ZNF697: variants seen among roughly 807,000 people sequenced by gnomAD.
ZNF697 encodes the protein zinc finger protein 697.
ZNF697 carries 23 observed loss-of-function variants against 32.4 expected under a neutral mutation model. The ratio of observed to expected loss-of-function variants is 0.71; its 90% CI spans 0.51 to 1.01. The LOEUF is 1.01. Among genes scored for constraint, ZNF697 ranks in the 50% least tolerant of loss-of-function variants. The probability of loss-of-function intolerance (pLI) is 0.00; values close to 1 mark genes in which losing one functional copy is unlikely to be tolerated. For synonymous variants in ZNF697, 418 were observed against 337.2 expected (o/e 1.24, Z -2.62); for missense variants, 930 against 794.0 (o/e 1.17, Z -2.06).
intron 1 of ZNF697, among the ~76,000 whole-genome samples, chr1:119,643,295 GA>G (rs1649124651): frequency 6.6e-6 from 1 of 152,166 alleles, no homozygotes; most frequent in Admixed American, 6.5e-5. Flanking sequence ...TGGATGCACA[GA>G]ACATGACTTG....
intron 1 of ZNF697, among the ~76,000 whole-genome samples, chr1:119,642,984 CT>C (rs1295356793): frequency 2.6e-5 from 4 of 152,202 alleles, no homozygotes; most frequent in Non-Finnish European, 5.9e-5. Context: ...CTATAGTGCC[CT>C]GCTAAACTTC....
In ZNF697 at chr1:119,621,535, A is replaced by T. The variant is rs1418246154; in HGVS notation, c.*1170T>A. The T allele has an allele frequency of 2.0e-5, 3 of 152,646 alleles. No homozygotes were observed. The highest frequency in any genetic ancestry group is 4.4e-5 in the Non-Finnish European group (3 of 68,048). 9.5% of individuals were successfully genotyped at this position (152,646 alleles called of 1,614,324 possible). ...CTCCCTGACTGGGCTCTTCTGGGTA[A>T]AGCCTTGAGATTTCTACTGTGCCTC... On this transcript the variant is annotated 3_prime_UTR_variant, in exon 3 of 3. Transcript: ENST00000421812.
At chr1:119,646,912 C>T (rs146821104) in intron 1 of ZNF697, among the ~76,000 whole-genome samples, 1 of 152,160 alleles carries the variant, frequency 6.6e-6, no homozygotes, top group Non-Finnish European at 1.5e-5. Flanking sequence ...ATTTACCAGA[C>T]GCTCAGTCTT....
rs1285406530 is a variant in ZNF697 at position 119,620,583 on chromosome 1, C to T, written c.*2122G>A. 1.3e-5 allele frequency: 2 copies of T among 152,584 alleles called. No individual in the cohort carries two copies. Among genetic ancestry groups the T allele is most frequent in the African/African-American group, 2.4e-5 (1 of 41,442 alleles). The allele number at this position is 152,584 out of a possible 1,614,324, so 9.5% of individuals were successfully genotyped here. ...TCAGATTACAAATCAGAATTCAAAA[C>T]GGACACTTGTTTGCTTGTATTACTC... is the stretch of plus-strand genomic sequence containing the variant. On this transcript the variant is annotated 3_prime_UTR_variant, in exon 3 of 3. Transcript: ENST00000421812.
Position 119,648,223 on chromosome 1 carries a change from T to G in ZNF697, c.-570A>C, listed in dbSNP as rs1649275788. ...CTGGTTGGCTGGCTGGCTGGCTGGC[T>G]GGCTGGCTGGCTCGCTGGCTGGCTG... On this transcript the variant is annotated 5_prime_UTR_variant, in exon 1 of 3. Transcript: ENST00000421812. Among the ~76,000 whole-genome samples the G allele has an allele frequency of 6.6e-6, 1 of 151,630 alleles. No individual in the cohort carries two copies. The highest frequency in any genetic ancestry group is 1.5e-5 in the Non-Finnish European group (1 of 67,796).
rs1180642975 is a variant in ZNF697, at chr1:119,623,680, G to T, written c.663C>A (p.Ser221Arg). ...HRLAEAAAAA[S>R]LEPFGLAGEC... Reference sequence around the variant, plus strand: ...CGCCCGCCAGGCCGAAGGGCTCCAGGCTGGCGGCGGCAGCGGCCTCAGCCA... The same window carrying T: ...CGCCCGCCAGGCCGAAGGGCTCCAGTCTGGCGGCGGCAGCGGCCTCAGCCA... Residue 221 changes from serine to arginine, a missense_variant, in exon 3 of 3, where the codon AGC becomes AGA. Physicochemically the swap from Ser to Arg is moderately radical, Grantham distance 110. Transcript: ENST00000421812. 1.9e-5 allele frequency: 29 copies of T among 1,529,828 alleles called. No individual in the cohort carries two copies. The highest frequency in any genetic ancestry group is 2.2e-4 in the Middle Eastern group (1 of 4,522). The allele number at this position is 1,529,828 out of a possible 1,614,324, so 94.8% of individuals were successfully genotyped here.
chr1:119,626,908 G>A (rs754711470), intron 1 of ZNF697, among the ~76,000 whole-genome samples: 1 of 152,140 alleles, frequency 6.6e-6, no homozygotes, highest in Non-Finnish European at 1.5e-5. Flanking sequence ...CCGAATTGTA[G>A]AGAACCCTTA....
At chr1:119,646,077 G>T (rs587681944) in intron 1 of ZNF697, among the ~76,000 whole-genome samples, 5 of 152,134 alleles carry the variant, frequency 3.3e-5, no homozygotes, top group Non-Finnish European at 7.4e-5. Flanking sequence ...TGCTGCTGAT[G>T]TGAGGTCACT....
Position 119,619,565 on chromosome 1 carries a change from T to C in ZNF697, c.*3140A>G, listed in dbSNP as rs1269417061. ...ACAAGCACACTCACACGAAACCTGT[T>C]ACTTTTAGGATCATTAAATTATTCA... On this transcript the variant is annotated 3_prime_UTR_variant, in exon 3 of 3. Transcript: ENST00000421812. 6.5e-6 allele frequency: 1 copy of C among 152,672 alleles called. No homozygotes were observed. The highest frequency in any genetic ancestry group is 1.5e-5 in the Non-Finnish European group (1 of 68,044). The allele number at this position is 152,672 out of a possible 1,614,324, so 9.5% of individuals were successfully genotyped here.
Position 119,623,924 on chromosome 1 carries a change from A to G in ZNF697, c.419T>C (p.Val140Ala). Reference protein sequence around the residue: ...EEEEEQPAPPVLPWRRHLSLG... With the variant: ...EEEEEQPAPPALPWRRHLSLG... Reference sequence around the variant, plus strand: ...GGAGAGATGTCGCCTCCAGGGAAGTACGGGAGGGGCCGGCTGCTCCTCTTC... The same window carrying G: ...GGAGAGATGTCGCCTCCAGGGAAGTGCGGGAGGGGCCGGCTGCTCCTCTTC... The change falls in exon 3 of 3, where the codon GTA becomes GCA. Residue 140 changes from valine to alanine, a missense_variant. Physicochemically the swap from Val to Ala is moderately conservative, Grantham distance 64. Coordinates refer to ENST00000421812, the MANE Select transcript of ZNF697 (RefSeq NM_001080470.2). 1.3e-6 allele frequency: 2 copies of G among 1,581,750 alleles called. No homozygotes were observed. Among genetic ancestry groups the G allele is most frequent in the African/African-American group, 2.7e-5 (2 of 74,230 alleles).
At chr1:119,631,468 T>C (rs1243597122) in intron 1 of ZNF697, among the ~76,000 whole-genome samples, 2 of 152,168 alleles carry the variant, frequency 1.3e-5, no homozygotes, top group African/African-American at 4.8e-5. Flanking sequence ...AAGGGACAAA[T>C]GGCCAAGCGC....
Position 119,623,502 on chromosome 1 carries a change from G to A in ZNF697, c.841C>T (p.Arg281Cys), listed in dbSNP as rs2101077932. ...SRNTYLTNHL[R>C]LHTGERPNLC... ...TTGGGCCGCTCGCCCGTGTGCAGGC[G>A]CAGGTGGTTGGTCAGGTAGGTGTTG... is the stretch of plus-strand genomic sequence containing the variant. Residue 281 changes from arginine to cysteine, a missense_variant, in exon 3 of 3, where the codon CGC (arginine) becomes TGC (cysteine). By Grantham distance (180) the Arg-to-Cys change is radical. Coordinates refer to ENST00000421812, the MANE Select transcript of ZNF697 (RefSeq NM_001080470.2). The A allele has an allele frequency of 1.3e-6, 2 of 1,570,264 alleles. No individual in the cohort carries two copies. Among genetic ancestry groups the A allele is most frequent in the Non-Finnish European group, 1.7e-6 (2 of 1,159,680 alleles).
chr1:119,646,754 T>A (rs1649216308), intron 1 of ZNF697, among the ~76,000 whole-genome samples: 1 of 151,924 alleles, frequency 6.6e-6, no homozygotes, highest in African/African-American at 2.4e-5. Flanking sequence ...AAAAATCAGG[T>A]GAGGGGAGAA....
chr1:119,625,654 C>T (rs922902800), intron 2 of ZNF697, among the ~76,000 whole-genome samples: 4 of 152,160 alleles, frequency 2.6e-5, no homozygotes, highest in South Asian at 2.1e-4. Flanking sequence ...AAAAGTACTG[C>T]GCCAGTGAGT....
intron 1 of ZNF697, among the ~76,000 whole-genome samples, chr1:119,632,114 G>A (rs1010803324): frequency 6.6e-6 from 1 of 152,140 alleles, no homozygotes. Flanking sequence ...TGACCATCAA[G>A]GTCCTGCCTC....
At chr1:119,644,237 C>A (rs1459250758) in intron 1 of ZNF697, among the ~76,000 whole-genome samples, 2 of 152,182 alleles carry the variant, frequency 1.3e-5, no homozygotes, top group African/African-American at 2.4e-5. Context: ...GGAATTCAGA[C>A]AGACTGGGAG....
chr1:119,642,639 T>C (rs958366577), intron 1 of ZNF697, among the ~76,000 whole-genome samples: 1 of 152,142 alleles, frequency 6.6e-6, no homozygotes, highest in Admixed American at 6.5e-5. Context: ...TTGTAAAAAA[T>C]TGTCTGTGCC....
intron 1 of ZNF697, among the ~76,000 whole-genome samples, chr1:119,629,985 G>C (rs1485297467): frequency 2.6e-5 from 4 of 152,210 alleles, no homozygotes; most frequent in Non-Finnish European, 5.9e-5. Context: ...AAGCTAAATA[G>C]GGTGTGGGTG....
chr1:119,633,393 T>TGTGTAG (rs1491323383), intron 1 of ZNF697, among the ~76,000 whole-genome samples: 2 of 146,204 alleles, frequency 1.4e-5, no homozygotes. Flanking sequence ...TGTGTGTGTG[T>TGTGTAG]ATAGAGAGAG....
Sources: allele counts gnomAD v4.1 joint callset (sites outside exome capture counted in the v4.1 genomes callset), GRCh38; gene constraint gnomAD v4.1.1; transcripts MANE v1.5; gene names NCBI Gene and HGNC (gene_info 2026-07-23, HGNC 2026-07-21).